The following CCNDBP1 variants were observed in gnomAD, a reference collection of about 807,000 sequenced individuals.
CCNDBP1 encodes the protein cyclin-D1-binding protein 1.
A neutral mutation model predicts 46.2 loss-of-function variants in CCNDBP1; 45 were observed. The observed-to-expected ratio is 0.97, with a 90% confidence interval of 0.77 to 1.25. CCNDBP1 has a LOEUF of 1.25. Among genes scored for constraint, CCNDBP1 ranks in the 50% most tolerant of loss-of-function variants. The pLI is 0.00. For synonymous variants in CCNDBP1, 154 were observed against 163.6 expected (o/e 0.94, Z 0.45); for missense variants, 436 against 442.1 (o/e 0.99, Z 0.12).
chr15:43,185,648 C>T (rs1342562494), intron 1 of CCNDBP1, 41 bp downstream of exon 1: 1 of 902,448 alleles, frequency 1.1e-6, no homozygotes, highest in African/African-American at 2.1e-5. Context: ...CAGGGGCGGG[C>T]TCGGGGTCGG....
intron 6 of CCNDBP1, 122 bp from the exon 7 acceptor site, chr15:43,190,844 G>A (rs1285244683): frequency 2.6e-5 from 19 of 731,026 alleles, no homozygotes; most frequent in East Asian, 2.4e-4. Context: ...TATTAAACCC[G>A]CACCCTTGTC....
At chr15:43,187,273 T>C (rs938432346) in intron 3 of CCNDBP1, among the ~76,000 whole-genome samples, 4 of 147,612 alleles carry the variant, frequency 2.7e-5, no homozygotes, top group Non-Finnish European at 6.0e-5. Context: ...CCTTTGAGAT[T>C]TTTTTTTTTT....
chr15:43,188,108 C>G (rs965752160), intron 3 of CCNDBP1, among the ~76,000 whole-genome samples: 2 of 152,144 alleles, frequency 1.3e-5, no homozygotes, highest in Non-Finnish European at 1.5e-5. Flanking sequence ...AGTTTCTAAA[C>G]ACTCTCAGTC....
rs2041827824 is a variant in CCNDBP1, at chr15:43,186,148, C to G, written c.170-6C>G. On this transcript the variant is annotated splice_polypyrimidine_tract_variant and splice_region_variant and intron_variant, in intron 2 of 10. Coordinates refer to ENST00000300213, the MANE Select transcript of CCNDBP1 (RefSeq NM_012142.5). ...GGCACCTGCCTCCTCTTCGGCCACC[C>G]CCCAGATGAGGCAGCTGTGACTGTG... The G allele has an allele frequency of 4.3e-6, 7 of 1,613,986 alleles. No homozygotes were observed. In the East Asian group the frequency reaches 1.6e-4, roughly 36 times the overall value.
Position 43,191,504 on chromosome 15 carries a change from A to T in CCNDBP1, c.689A>T (p.Asp230Val). Residue 230 changes from aspartate (D) to valine (V), a missense_variant, in exon 8 of 11, where the codon GAC becomes GTC. Physicochemically the swap from Asp to Val is radical, Grantham distance 152 (BLOSUM62 -3). Coordinates refer to ENST00000300213, the MANE Select transcript of CCNDBP1 (RefSeq NM_012142.5). The part of the protein sequence containing the change: ...DDVLGFPSNQ[D>V]LYWSEDDQEL... Reference sequence around the variant, plus strand: ...GTGTTGGGGTTTCCCAGCAATCAGGACTTGTATTGGTCAGAGGACGATCAA... The same window carrying T: ...GTGTTGGGGTTTCCCAGCAATCAGGTCTTGTATTGGTCAGAGGACGATCAA... The T allele has an allele frequency of 6.2e-7, 1 of 1,614,120 alleles. No homozygotes were observed. Among genetic ancestry groups the T allele is most frequent in the Middle Eastern group, 1.6e-4 (1 of 6,062 alleles).
At chr15:43,189,829 C>T (rs377268408) in intron 4 of CCNDBP1, 36 of 530,784 alleles carry the variant, frequency 6.8e-5, no homozygotes, top group Middle Eastern at 4.9e-4. Flanking sequence ...CATGGTGTCA[C>T]GGAAAGATTT....
rs761093105 is a variant in CCNDBP1 at position 43,190,187 on chromosome 15, G to T, written c.428+36G>T. ...CACAGTTTAGGTTACCAGTTATTGG[G>T]GTTCCTTGCCTCAGAGGGGAAAAGC... On this transcript the variant is annotated intron_variant, in intron 5 of 10. Coordinates refer to ENST00000300213, the MANE Select transcript of CCNDBP1 (RefSeq NM_012142.5). 12 of 1,605,076 alleles carry T rather than the reference G, an allele frequency of 7.5e-6. No homozygotes were observed. The East Asian group carries it at 2.7e-4, about 36-fold the overall frequency.
rs374288885 is a variant in CCNDBP1 at position 43,194,875 on chromosome 15, C to G, written c.*34C>G. On this transcript the variant is annotated 3_prime_UTR_variant, in exon 11 of 11. Coordinates refer to ENST00000300213, the MANE Select transcript of CCNDBP1 (RefSeq NM_012142.5). ...GCTCATTTGTACTCTCTTCCCCTCTCATCGTCATGGTCAGGCTCTGATACC... is the reference window on the plus strand; with the variant it reads ...GCTCATTTGTACTCTCTTCCCCTCTGATCGTCATGGTCAGGCTCTGATACC... 3 of 1,334,352 alleles carry G rather than the reference C, an allele frequency of 2.2e-6. No homozygotes were observed. In the Admixed American group the frequency reaches 5.1e-5, roughly 23 times the overall value. 82.7% of individuals were successfully genotyped at this position (1,334,352 alleles called of 1,614,324 possible).
In CCNDBP1 at chr15:43,186,135, C is replaced by G. The variant is rs2041826915; in HGVS notation, c.170-19C>G. 6.2e-7 allele frequency: 1 copy of G among 1,611,572 alleles called. No individual in the cohort carries two copies. The highest frequency in any genetic ancestry group is 1.3e-5 in the African/African-American group (1 of 74,890). ...GCACTAACGTATTGGCACCTGCCTC[C>G]TCTTCGGCCACCCCCCAGATGAGGC... On this transcript the variant is annotated intron_variant, in intron 2 of 10. Transcript: ENST00000300213.
In CCNDBP1 at chr15:43,195,006, A is replaced by C. The variant is rs534441794; in HGVS notation, c.*165A>C. On this transcript the variant is annotated 3_prime_UTR_variant, in exon 11 of 11. Transcript: ENST00000300213. Reference sequence around the variant, plus strand: ...AGATTGTTGGTTAGGCCAGATTGACACCTATTTATAAACCATATGCGTATA... The same window carrying C: ...AGATTGTTGGTTAGGCCAGATTGACCCCTATTTATAAACCATATGCGTATA... 2 of 533,620 alleles carry C rather than the reference A, an allele frequency of 3.7e-6. No individual in the cohort carries two copies. Among genetic ancestry groups the C allele is most frequent in the East Asian group, 6.2e-5 (2 of 32,100 alleles). 33.1% of individuals were successfully genotyped at this position (533,620 alleles called of 1,614,324 possible). A position where few individuals can be genotyped will look rare whatever the true frequency, so the allele number is the denominator to read the frequency against.
At chr15:43,185,794 C>T (rs372666782) in intron 1 of CCNDBP1, 26 bp from the exon 2 acceptor site, 82 of 1,607,094 alleles carry the variant, frequency 5.1e-5, no homozygotes, top group Non-Finnish European at 6.9e-5. Context: ...CGCCACCGTT[C>T]GGCCCCCACA....
At chr15:43,190,828 A>AT (rs2041936942) in intron 6 of CCNDBP1, 138 bp from the exon 7 acceptor site, 8 of 652,276 alleles carry the variant, frequency 1.2e-5, no homozygotes, top group Admixed American at 2.7e-5. Context: ...TGTAGTGAGA[A>AT]TTTTTTATTA....
At chr15:43,190,887 A>G in intron 6 of CCNDBP1, 79 bp from the exon 7 acceptor site, 3 of 1,174,674 alleles carry the variant, frequency 2.6e-6, no homozygotes, top group Non-Finnish European at 3.8e-6. Context: ...AATAGGAACA[A>G]TGTGATTGTT....
At chr15:43,191,281 T>C in intron 7 of CCNDBP1, 114 bp from the exon 8 acceptor site, 1 of 1,105,406 alleles carries the variant, frequency 9.0e-7, no homozygotes, top group Non-Finnish European at 1.3e-6. Flanking sequence ...CTTAGTGAAG[T>C]GGCTGGCTAA....
chr15:43,193,958 A>G, intron 9 of CCNDBP1: 1 of 275,076 alleles, frequency 3.6e-6, no homozygotes, highest in Non-Finnish European at 7.0e-6. Context: ...TAAAATGTGT[A>G]CTGCATATGC....
At position 43,191,639 on chromosome 15, in the gene CCNDBP1, A is replaced by G. The variant is rs199950438; in HGVS notation, c.824A>G (p.Asp275Gly). The G allele has an allele frequency of 6.2e-7, 1 of 1,610,200 alleles. No homozygotes were observed. Among genetic ancestry groups the G allele is most frequent in the Non-Finnish European group, 8.5e-7 (1 of 1,180,002 alleles). The change falls in exon 8 of 11, where the codon GAT becomes GGT. Residue 275 changes from aspartate (D) to glycine (G), a missense_variant. By Grantham distance (94) the Asp-to-Gly change is moderately conservative (BLOSUM62 -1). Transcript: ENST00000300213. Reference protein sequence around the residue: ...NGKKDQVAQLDDIVDISDEIS... With the variant: ...NGKKDQVAQLGDIVDISDEIS... ...AAGAAGGATCAGGTGGCACAGCTGG[A>G]TGACATTGTGGATATTTCTGATGAA...
rs573094848 is a variant in CCNDBP1 at position 43,191,022 on chromosome 15, G to A, written c.559G>A (p.Ala187Thr). 4 of 1,613,956 alleles carry A rather than the reference G, an allele frequency of 2.5e-6. No individual in the cohort carries two copies. The highest frequency in any genetic ancestry group is 1.3e-5 in the African/African-American group (1 of 75,048). Residue 187 changes from alanine to threonine, a missense_variant, in exon 7 of 11, where the codon GCA (alanine) becomes ACA (threonine). By Grantham distance (58) the Ala-to-Thr change is moderately conservative. Coordinates refer to ENST00000300213, the MANE Select transcript of CCNDBP1 (RefSeq NM_012142.5). ...LTKNVDFVKD[A>T]HEEMEQAVEE... The stretch of plus-strand genomic sequence containing the variant: ...CAAGAATGTGGATTTTGTGAAGGAT[G>A]CACATGAAGAAATGGAGCAGGTGAG...
At position 43,191,519 on chromosome 15, in the gene CCNDBP1, A is replaced by C. The variant is rs376549003; in HGVS notation, c.704A>C (p.Glu235Ala). 24 of 1,614,040 alleles carry C rather than the reference A, an allele frequency of 1.5e-5. No homozygotes were observed. The highest frequency in any genetic ancestry group is 1.5e-5 in the Non-Finnish European group (18 of 1,180,038). ...AGCAATCAGGACTTGTATTGGTCAG[A>C]GGACGATCAAGAGCTCATAATCCCA... is the stretch of plus-strand genomic sequence containing the variant. ...FPSNQDLYWS[E>A]DDQELIIPCL... is the part of the protein sequence containing the mutation. The change falls in exon 8 of 11, where the codon GAG becomes GCG. Residue 235 changes from glutamate (E) to alanine (A), a missense_variant. Physicochemically the swap from Glu to Ala is moderately radical, Grantham distance 107. Transcript: ENST00000300213.
At chr15:43,192,566 T>C (rs558504150) in intron 8 of CCNDBP1, among the ~76,000 whole-genome samples, 177 bp from the exon 9 acceptor site, 2 of 152,196 alleles carry the variant, frequency 1.3e-5, no homozygotes, top group East Asian at 3.9e-4. Flanking sequence ...AAATGGGGTA[T>C]GGTTGTTTCA....
Sources: allele counts gnomAD v4.1 joint callset (sites outside exome capture counted in the v4.1 genomes callset), GRCh38; gene constraint gnomAD v4.1.1; transcripts MANE v1.5; gene names NCBI Gene and HGNC (gene_info 2026-07-23, HGNC 2026-07-21).